Variants in SLC5A4 observed in about 807,000 individuals in gnomAD.
SLC5A4 encodes the protein solute carrier family 5 member 4, also known as probable glucose sensor protein SLC5A4.
Under a neutral mutation model 70.3 loss-of-function variants are expected in SLC5A4, and 55 were observed. The ratio of observed to expected loss-of-function variants is 0.78; its 90% CI spans 0.63 to 0.98. SLC5A4 has a LOEUF of 0.98. SLC5A4 is among the 50% of genes least tolerant of loss of function. SLC5A4 has a pLI of 0.00. For synonymous variants in SLC5A4, 268 were observed against 305.7 expected (o/e 0.88, Z 1.29); for missense variants, 735 against 839.2 (o/e 0.88, Z 1.53).
chr22:32,337,211 T>C, the SLC5A4 span, among the ~76,000 whole-genome samples: 2 of 152,180 alleles, frequency 1.3e-5, no homozygotes, highest in Admixed American at 1.3e-4. Flanking sequence ...TGGGTGCCTG[T>C]CTGTGGGTGT....
chr22:32,267,859 T>C, the SLC5A4 span, among the ~76,000 whole-genome samples: 2 of 152,222 alleles, frequency 1.3e-5, no homozygotes, highest in African/African-American at 2.4e-5. Flanking sequence ...ACGTGGTGGC[T>C]CACGCCTGTA....
chr22:32,270,526 C>T, the SLC5A4 span: 1 of 718,636 alleles, frequency 1.4e-6, no homozygotes, highest in East Asian at 2.5e-5. Context: ...ACAGTGATTC[C>T]TGATTCTGAG....
At chr22:32,226,327 C>G (rs893659295) in intron 11 of SLC5A4, among the ~76,000 whole-genome samples, 1 of 152,312 alleles carries the variant, frequency 6.6e-6, no homozygotes, top group African/African-American at 2.4e-5. Flanking sequence ...TTGAGTACTT[C>G]AGCAGGTAAA....
At chr22:32,320,438 G>C in the SLC5A4 span, among the ~76,000 whole-genome samples, 3 of 152,200 alleles carry the variant, frequency 2.0e-5, no homozygotes, top group Non-Finnish European at 4.4e-5. Flanking sequence ...GGTCACAGCA[G>C]AAGATTAGGA....
the SLC5A4 span, among the ~76,000 whole-genome samples, chr22:32,266,690 CTTCCCA>C: frequency 6.6e-6 from 1 of 152,204 alleles, no homozygotes; most frequent in Admixed American, 6.5e-5. Context: ...TAACTTTTGA[CTTCCCA>C]ATAACTTAAG....
intron 5 of SLC5A4, 99 bp downstream of exon 5, chr22:32,247,312 G>A: frequency 2.7e-6 from 2 of 734,534 alleles, no homozygotes; most frequent in South Asian, 1.5e-5. Context: ...ACCCTTTAAA[G>A]GCTGTTGACA....
chr22:32,312,459 G>A, the SLC5A4 span, among the ~76,000 whole-genome samples: 5 of 152,140 alleles, frequency 3.3e-5, no homozygotes, highest in East Asian at 3.9e-4. Flanking sequence ...GGGAAGCTTC[G>A]GTTTTCAACC....
chr22:32,327,056 A>T, the SLC5A4 span: 1 of 152,190 alleles, frequency 6.6e-6, no homozygotes. Context: ...TACAAGACTA[A>T]ATCTATGTTG....
At chr22:32,350,059 T>C in the SLC5A4 span, among the ~76,000 whole-genome samples, 9 of 152,156 alleles carry the variant, frequency 5.9e-5, no homozygotes, top group Non-Finnish European at 1.2e-4. Context: ...GGGACCTGTC[T>C]GCTTACACTT....
At chr22:32,350,982 G>C in the SLC5A4 span, among the ~76,000 whole-genome samples, 4 of 151,806 alleles carry the variant, frequency 2.6e-5, no homozygotes, top group African/African-American at 9.7e-5. Context: ...GTTCTTAAAG[G>C]CAAAAGTTAG....
chr22:32,311,320 A>G, the SLC5A4 span, among the ~76,000 whole-genome samples: 204 of 152,154 alleles, frequency 1.3e-3, 2 homozygotes, highest in African/African-American at 4.6e-3. Flanking sequence ...GGTCTGATGA[A>G]ATGAGGAAAC....
Position 32,218,590 on chromosome 22 carries a change from G to A in SLC5A4, c.1904C>T (p.Ser635Leu), listed in dbSNP as rs371569572. ...KKLTDTSERP[S>L]WRTIVNINAI... is the part of the protein sequence containing the mutation. ...GTTGATGTTCACTATTGTCCTCCAC[G>A]AGGGCCTCTCAGACGTGTCTGTGAG... The change falls in exon 15 of 15, where the codon TCG becomes TTG. Residue 635 changes from serine (S) to leucine (L), a missense_variant. By Grantham distance (145) the Ser-to-Leu change is moderately radical. Coordinates refer to ENST00000266086, the MANE Select transcript of SLC5A4 (RefSeq NM_014227.3). The A allele has an allele frequency of 2.3e-5, 37 of 1,613,784 alleles. No individual in the cohort carries two copies. Among genetic ancestry groups the A allele is most frequent in the Non-Finnish European group, 2.9e-5 (34 of 1,179,982 alleles).
At chr22:32,264,688 T>C in the SLC5A4 span, among the ~76,000 whole-genome samples, 1 of 152,116 alleles carries the variant, frequency 6.6e-6, no homozygotes, top group Non-Finnish European at 1.5e-5. Flanking sequence ...GAAATAACAT[T>C]TAAAAAGAAG....
the SLC5A4 span, among the ~76,000 whole-genome samples, chr22:32,326,735 A>G: frequency 6.6e-6 from 1 of 152,158 alleles, no homozygotes; most frequent in African/African-American, 2.4e-5. Flanking sequence ...CTGACACGAT[A>G]GAGTTGAGGG....
At chr22:32,294,243 C>A in the SLC5A4 span, among the ~76,000 whole-genome samples, 1 of 152,180 alleles carries the variant, frequency 6.6e-6, no homozygotes, top group East Asian at 1.9e-4. Flanking sequence ...TGTTTTTCAT[C>A]CTTTTATCCC....
chr22:32,341,108 T>C, the SLC5A4 span, among the ~76,000 whole-genome samples: 31 of 152,166 alleles, frequency 2.0e-4, no homozygotes, highest in Non-Finnish European at 3.7e-4. Flanking sequence ...CCCACGTCTA[T>C]GGGGTATCCA....
chr22:32,222,018 A>G (rs1185977558), intron 13 of SLC5A4, among the ~76,000 whole-genome samples: 3 of 152,200 alleles, frequency 2.0e-5, no homozygotes, highest in Non-Finnish European at 2.9e-5. Context: ...TGGCCTCCCA[A>G]AGTGCTGGGA....
At chr22:32,304,568 T>C in the SLC5A4 span, among the ~76,000 whole-genome samples, 1 of 152,244 alleles carries the variant, frequency 6.6e-6, no homozygotes, top group Non-Finnish European at 1.5e-5. Context: ...TGCAAGCCAC[T>C]GTGCCTGGCT....
chr22:32,342,230 C>CT, the SLC5A4 span, among the ~76,000 whole-genome samples: 18 of 152,318 alleles, frequency 1.2e-4, no homozygotes, highest in African/African-American at 4.3e-4. Context: ...TTGAGAACCT[C>CT]TTCCTTTTGA....
Sources: allele counts gnomAD v4.1 joint callset (sites outside exome capture counted in the v4.1 genomes callset), GRCh38; gene constraint gnomAD v4.1.1; transcripts MANE v1.5; gene names NCBI Gene and HGNC (gene_info 2026-07-23, HGNC 2026-07-21).